Variants in SAMD14 observed in about 807,000 individuals in gnomAD.
SAMD14 encodes sterile alpha motif domain-containing protein 14.
SAMD14 carries 27 observed loss-of-function variants against 46.2 expected under a neutral mutation model. That is an observed-to-expected ratio of 0.58 (90% CI 0.43 to 0.81). The LOEUF is 0.81. Ranked by LOEUF, SAMD14 falls within the 30% of genes least tolerant of loss-of-function variation. SAMD14 has a pLI of 0.00. For synonymous variants in SAMD14, 241 were observed against 254.3 expected, an observed-to-expected ratio of 0.95 and a Z score of 0.50; for missense variants, 559 against 582.2, an observed-to-expected ratio of 0.96 and a Z score of 0.41.
At chr17:50,119,930 C>T (rs1353440415) in intron 2 of SAMD14, among the ~76,000 whole-genome samples, 1 of 152,146 alleles carries the variant, frequency 6.6e-6, no homozygotes, top group Non-Finnish European at 1.5e-5. Context: ...CTCAGCTGAA[C>T]CCCTGGAGTC....
chr17:50,128,513 C>G (rs1471120614), intron 1 of SAMD14, among the ~76,000 whole-genome samples: 1 of 138,506 alleles, frequency 7.2e-6, no homozygotes, highest in African/African-American at 3.1e-5. Flanking sequence ...CACACACACA[C>G]CCCCATTCAG....
At chr17:50,119,380 C>T (rs1911394930) in intron 2 of SAMD14, among the ~76,000 whole-genome samples, 1 of 152,148 alleles carries the variant, frequency 6.6e-6, no homozygotes, top group Admixed American at 6.5e-5. Flanking sequence ...TGGGTCAAGA[C>T]TTTTCCTCCC....
At chr17:50,121,559 C>G (rs1911502169) in intron 2 of SAMD14, among the ~76,000 whole-genome samples, 1 of 152,180 alleles carries the variant, frequency 6.6e-6, no homozygotes, top group Non-Finnish European at 1.5e-5. Flanking sequence ...CTCAAGTGAT[C>G]TGCCCGCCTT....
rs116398679 is a variant in SAMD14, at chr17:50,116,116, C to T, written c.500-26G>A. The T allele has an allele frequency of 2.6e-3, 4,215 of 1,599,818 alleles. 70 individuals are homozygous for T. In the African/African-American group the frequency reaches 0.043, roughly 16 times the overall value. On this transcript the variant is annotated intron_variant, in intron 4 of 9. Transcript: ENST00000330175. ...CTTTCCAGGGAGAGAAGGAAGGAAA[C>T]TGCCTGTTTGCTGCCCTGCCTGCCT... is the stretch of plus-strand genomic sequence containing the variant.
At chr17:50,114,114 T>G in intron 8 of SAMD14, 35 bp from the exon 9 acceptor site, 1 of 1,613,656 alleles carries the variant, frequency 6.2e-7, no homozygotes, top group African/African-American at 1.3e-5. Context: ...GGGGGAGGCT[T>G]GGCCTGTGAC....
chr17:50,125,154 G>A (rs1478687822), intron 1 of SAMD14, 183 bp from the exon 2 acceptor site: 9 of 588,018 alleles, frequency 1.5e-5, no homozygotes, highest in Admixed American at 3.0e-5. Context: ...GATGGTGGGC[G>A]CCGGGGCAGG....
At chr17:50,119,132 G>A (rs1018371776) in intron 2 of SAMD14, among the ~76,000 whole-genome samples, 6 of 152,220 alleles carry the variant, frequency 3.9e-5, no homozygotes, top group African/African-American at 1.4e-4. Context: ...GTGGCAGGAA[G>A]GAAAGCCCCA....
At position 50,118,203 on chromosome 17, in the gene SAMD14, G is replaced by A. The variant is rs1464540631; in HGVS notation, c.168C>T (p.Ser56=). The A allele has an allele frequency of 1.1e-5, 18 of 1,612,404 alleles. No individual in the cohort carries two copies. Among genetic ancestry groups the A allele is most frequent in the East Asian group, 2.2e-5 (1 of 44,832 alleles). ...CCGAGCCTTCACCATCCTCCGCGGA[G>A]CTGGCACTGTCCCGAAGCCTGGAGC... is the stretch of plus-strand genomic sequence containing the variant. The part of the protein sequence containing the change: ...PSRSRLRDSA[S]SAEDGEGSDG... The change falls in exon 3 of 10, where the codon AGC becomes AGT. Residue 56 remains serine, a synonymous_variant. Coordinates refer to ENST00000330175, the MANE Select transcript of SAMD14 (RefSeq NM_001257359.2).
chr17:50,126,305 ATT>A (rs397856571), intron 1 of SAMD14, among the ~76,000 whole-genome samples: 6 of 139,518 alleles, frequency 4.3e-5, no homozygotes, highest in Admixed American at 1.4e-4. Context: ...AGCCTTGGGA[ATT>A]TTTTTTTTTT....
Position 50,116,318 on chromosome 17 carries a change from G to A in SAMD14, c.500-228C>T, listed in dbSNP as rs1911195870. The A allele has an allele frequency of 5.4e-6, 3 of 551,702 alleles. No individual in the cohort carries two copies. The South Asian group carries it at 7.7e-5, about 14-fold the overall frequency. 34.2% of individuals were successfully genotyped at this position (551,702 alleles called of 1,614,324 possible). A position where few individuals can be genotyped will look rare whatever the true frequency, so the allele number is the denominator to read the frequency against. On this transcript the variant is annotated intron_variant, in intron 4 of 9. Coordinates refer to ENST00000330175, the MANE Select transcript of SAMD14 (RefSeq NM_001257359.2). ...CCTGCTTCATGGGACCTAATGGGAT[G>A]CTTATGACAGCCTTTTACAAACTAT...
intron 2 of SAMD14, among the ~76,000 whole-genome samples, chr17:50,120,788 G>A (rs1028866978): frequency 8.5e-5 from 13 of 152,066 alleles, no homozygotes; most frequent in African/African-American, 1.9e-4. Flanking sequence ...AGATTTCTGC[G>A]TGGTTCTCTC....
rs1910785157 is a variant in SAMD14 at position 50,110,746 on chromosome 17, T to A, written c.*2147A>T. The A allele has an allele frequency of 3.3e-5, 5 of 152,248 alleles. No individual in the cohort carries two copies. The highest frequency in any genetic ancestry group is 2.0e-4 in the Admixed American group (3 of 15,288). The allele number at this position is 152,248 out of a possible 1,614,324, so 9.4% of individuals were successfully genotyped here. On this transcript the variant is annotated 3_prime_UTR_variant, in exon 10 of 10. Transcript: ENST00000330175. ...CATCCAGCCAAGCTGCTCGAGGCCC[T>A]GCAGTGGCCTTGGCAATGTCTGTGC...
At chr17:50,114,480 C>T in intron 7 of SAMD14, 174 bp from the exon 8 acceptor site, 1 of 1,587,574 alleles carries the variant, frequency 6.3e-7, no homozygotes. Context: ...GGCATCAGGA[C>T]CTGAAGCCTT....
chr17:50,113,271 C>A (rs139097379), intron 9 of SAMD14: 2 of 543,064 alleles, frequency 3.7e-6, no homozygotes, highest in Non-Finnish European at 6.5e-6. Flanking sequence ...GGGTATTAGG[C>A]GCTTCCTCCT....
chr17:50,113,614 G>A, intron 9 of SAMD14: 1 of 394,866 alleles, frequency 2.5e-6, no homozygotes. Flanking sequence ...CATGATACCA[G>A]GACACTCATA....
chr17:50,123,426 C>G (rs1172844041), intron 2 of SAMD14: 1 of 152,370 alleles, frequency 6.6e-6, no homozygotes, highest in African/African-American at 2.4e-5. Flanking sequence ...CTGGCATCCT[C>G]TACCCTTCTG....
Position 50,129,058 on chromosome 17 carries a change from A to G in SAMD14, c.-13+459T>C, listed in dbSNP as rs1408527546. 6.6e-6 allele frequency among the ~76,000 whole-genome samples: 1 copy of G among 152,150 alleles called. No individual in the cohort carries two copies. The highest frequency in any genetic ancestry group is 1.5e-5 in the Non-Finnish European group (1 of 68,008). On this transcript the variant is annotated intron_variant, in intron 1 of 9. Coordinates refer to ENST00000330175, the MANE Select transcript of SAMD14 (RefSeq NM_001257359.2). The surrounding 1 kb of genome is among the most constrained non-coding windows in gnomAD (Gnocchi z 5.6). The stretch of plus-strand genomic sequence containing the variant: ...CAGAGAGGTGGTCCCCCCTTCCCAT[A>G]TCGCCGGCCGTCCACTGGCCCCAGG...
chr17:50,116,918 T>C lies in SAMD14; in HGVS notation c.499+489A>G, dbSNP rs368409176. Among the ~76,000 whole-genome samples the C allele has an allele frequency of 3.9e-5, 6 of 152,044 alleles. No homozygotes were observed. The East Asian group carries it at 5.8e-4, about 15-fold the overall frequency. On this transcript the variant is annotated intron_variant, in intron 4 of 9. Coordinates refer to ENST00000330175, the MANE Select transcript of SAMD14 (RefSeq NM_001257359.2). ...TTTGTTTTGTTTTTGAGGCAAGGAG[T>C]GATCATAGCTCACTGCAGCTCAAAA...
chr17:50,116,276 G>A (rs2144397581), intron 4 of SAMD14, 186 bp from the exon 5 acceptor site: 1 of 833,148 alleles, frequency 1.2e-6, no homozygotes, highest in Non-Finnish European at 1.8e-6. Flanking sequence ...TTTTAAATAT[G>A]GGGATAATAA....
Sources: allele counts gnomAD v4.1 joint callset (sites outside exome capture counted in the v4.1 genomes callset), GRCh38; gene constraint gnomAD v4.1.1; non-coding constraint Gnocchi (gnomAD v3.1); transcripts MANE v1.5; gene names NCBI Gene and HGNC (gene_info 2026-07-23, HGNC 2026-07-21).